Variants in PTPRN2 observed in about 807,000 individuals in gnomAD.
PTPRN2 encodes protein tyrosine phosphatase receptor type N2.
A neutral mutation model predicts 118.8 loss-of-function variants in PTPRN2; 74 were observed. The observed-to-expected ratio is 0.62, with a 90% CI of 0.52 to 0.76. The LOEUF is 0.76. PTPRN2 is among the 30% of genes least tolerant of loss of function. The pLI is 0.00. For synonymous variants in PTPRN2, 641 were observed against 608.0 expected, an observed-to-expected ratio of 1.05 and a Z score of -0.80; for missense variants, 1,481 against 1,394.4, an observed-to-expected ratio of 1.06 and a Z score of -0.99.
chr7:157,904,866 C>A (rs764609743), intron 11 of PTPRN2, among the ~76,000 whole-genome samples: 1 of 152,196 alleles, frequency 6.6e-6, no homozygotes, highest in Admixed American at 6.5e-5. Flanking sequence ...CACAGCCCTG[C>A]GGTTTGTTGC....
chr7:157,928,155 A>G (rs1799135718), intron 11 of PTPRN2, among the ~76,000 whole-genome samples: 1 of 152,236 alleles, frequency 6.6e-6, no homozygotes, highest in Non-Finnish European at 1.5e-5. Flanking sequence ...AGGAAGGTGC[A>G]GATGAGGACT....
intron 11 of PTPRN2, among the ~76,000 whole-genome samples, chr7:157,901,407 A>G (rs1391593661): frequency 6.6e-6 from 1 of 151,940 alleles, no homozygotes; most frequent in Non-Finnish European, 1.5e-5. Context: ...CCAGATACAG[A>G]GTTGCAGGCG....
intron 3 of PTPRN2, among the ~76,000 whole-genome samples, chr7:158,246,649 A>C (rs992668822): frequency 1.1e-4 from 17 of 151,918 alleles, no homozygotes; most frequent in Non-Finnish European, 2.4e-4. Flanking sequence ...GCAGAAAGTG[A>C]CTGCAACCAA....
intron 2 of PTPRN2, among the ~76,000 whole-genome samples, chr7:158,472,701 A>G (rs1248634073): frequency 1.3e-5 from 2 of 152,306 alleles, no homozygotes; most frequent in South Asian, 2.1e-4. Flanking sequence ...CCCCACCTCT[A>G]TGGAAACTGC....
chr7:157,710,783 C>A (rs1798576163), intron 12 of PTPRN2, among the ~76,000 whole-genome samples: 1 of 120,482 alleles, frequency 8.3e-6, no homozygotes, highest in African/African-American at 2.8e-5. Flanking sequence ...GGTTCCGGGG[C>A]AGCCGGGTTA....
intron 12 of PTPRN2, among the ~76,000 whole-genome samples, chr7:157,698,532 T>G (rs1797918876): frequency 6.6e-6 from 1 of 152,246 alleles, no homozygotes; most frequent in African/African-American, 2.4e-5. Flanking sequence ...TCGGGATGTT[T>G]AGACTTTTCT....
chr7:158,223,860 G>A (rs762834219), intron 3 of PTPRN2, among the ~76,000 whole-genome samples: 9 of 151,920 alleles, frequency 5.9e-5, no homozygotes, highest in Non-Finnish European at 1.3e-4. Context: ...CAGACACAAA[G>A]GAAGAAATTA....
At chr7:157,809,419 C>A (rs1310786806) in intron 12 of PTPRN2, among the ~76,000 whole-genome samples, 1 of 152,230 alleles carries the variant, frequency 6.6e-6, no homozygotes, top group African/African-American at 2.4e-5. Flanking sequence ...CCACCCCCGC[C>A]GTGTGAGCTC....
chr7:157,969,536 G>C (rs1306557398), intron 11 of PTPRN2, among the ~76,000 whole-genome samples: 1 of 152,144 alleles, frequency 6.6e-6, no homozygotes, highest in Non-Finnish European at 1.5e-5. Context: ...CAGGCTGGGT[G>C]CTGCCTGGGT....
chr7:158,311,145 C>A (rs2151074218), intron 3 of PTPRN2, among the ~76,000 whole-genome samples: 1 of 152,346 alleles, frequency 6.6e-6, no homozygotes, highest in African/African-American at 2.4e-5. Flanking sequence ...CTCCCCTGAC[C>A]TGTGCCGGCA....
chr7:157,895,851 C>A (rs1345540311), intron 12 of PTPRN2, among the ~76,000 whole-genome samples: 1 of 152,138 alleles, frequency 6.6e-6, no homozygotes, highest in Non-Finnish European at 1.5e-5. Flanking sequence ...CAGAAACCTG[C>A]ACACGACCCA....
intron 5 of PTPRN2, among the ~76,000 whole-genome samples, chr7:158,184,595 T>C (rs1344345833): frequency 1.3e-5 from 2 of 152,184 alleles, no homozygotes; most frequent in Non-Finnish European, 2.9e-5. Flanking sequence ...GTGGATCACC[T>C]GAGGTCAGGA....
At chr7:157,957,248 C>T (rs1365860495) in intron 11 of PTPRN2, among the ~76,000 whole-genome samples, 1 of 152,210 alleles carries the variant, frequency 6.6e-6, no homozygotes, top group East Asian at 1.9e-4. Context: ...GCACCCTGTA[C>T]CAACCCCCAT....
intron 12 of PTPRN2, among the ~76,000 whole-genome samples, chr7:157,727,485 C>A (rs1326534862): frequency 6.6e-6 from 1 of 152,008 alleles, no homozygotes; most frequent in African/African-American, 2.4e-5. Flanking sequence ...TCCCTGGAGT[C>A]ATCAAACTCA....
At chr7:158,210,672 G>A (rs1827527404) in intron 3 of PTPRN2, among the ~76,000 whole-genome samples, 1 of 152,136 alleles carries the variant, frequency 6.6e-6, no homozygotes, top group Non-Finnish European at 1.5e-5. Context: ...AGGATCATTA[G>A]AGGCTACTAT....
chr7:158,206,527 G>A (rs1055189748), intron 3 of PTPRN2, among the ~76,000 whole-genome samples: 2 of 152,150 alleles, frequency 1.3e-5, no homozygotes, highest in Admixed American at 6.5e-5. Context: ...CCACAGAGGT[G>A]CTTGTGTCAC....
At chr7:158,310,945 G>A (rs1255170933) in intron 3 of PTPRN2, among the ~76,000 whole-genome samples, 2 of 152,246 alleles carry the variant, frequency 1.3e-5, no homozygotes, top group African/African-American at 4.8e-5. Flanking sequence ...CACCAGACGT[G>A]AGCCAGACGT....
At chr7:158,425,918 C>CCG (rs1815710938) in intron 2 of PTPRN2, among the ~76,000 whole-genome samples, 3 of 137,646 alleles carry the variant, frequency 2.2e-5, no homozygotes, top group Admixed American at 7.1e-5. Context: ...GACGCAGAGT[C>CCG]AGTCCAGCCT....
chr7:158,371,083 A>C (rs1809954590), intron 2 of PTPRN2, among the ~76,000 whole-genome samples: 2 of 152,188 alleles, frequency 1.3e-5, no homozygotes, highest in Non-Finnish European at 2.9e-5. Flanking sequence ...CATAACGAAA[A>C]ATTTTCAGAT....
Sources: gnomAD v4.1 joint callset for allele counts (sites outside exome capture counted in the v4.1 genomes callset) on GRCh38, gnomAD v4.1.1 for gene constraint, MANE v1.5 for transcripts, NCBI Gene and HGNC (gene_info 2026-07-23, HGNC 2026-07-21) for gene names.